TRRAP: variants seen among roughly 807,000 people sequenced by gnomAD.
TRRAP encodes the protein transformation/transcription domain associated protein.
In TRRAP, 41 loss-of-function variants were observed where a neutral mutation model predicts 438.8. The observed-to-expected ratio is 0.09, with a 90% CI of 0.07 to 0.12. The LOEUF is 0.12. Among genes scored for constraint, TRRAP ranks in the 10% least tolerant of loss-of-function variants. TRRAP has a pLI of 1.00. For synonymous variants in TRRAP, 1,994 were observed against 1,962.9 expected, an observed-to-expected ratio of 1.02 and a Z score of -0.42; for missense variants, 3,122 against 5,055.1, an observed-to-expected ratio of 0.62 and a Z score of 11.60.
chr7:98,995,821 T>C (rs1229025621), intron 67 of TRRAP, among the ~76,000 whole-genome samples: 1 of 149,740 alleles, frequency 6.7e-6, no homozygotes, highest in Non-Finnish European at 1.5e-5. Flanking sequence ...GCGTCCCATC[T>C]ACTTACTCTT....
chr7:99,008,016 A>G (rs543326012), intron 69 of TRRAP, among the ~76,000 whole-genome samples: 11 of 150,930 alleles, frequency 7.3e-5, no homozygotes, highest in East Asian at 4.0e-4. Context: ...AGTAGAGACG[A>G]GGTTTCACCA....
At position 98,978,310 on chromosome 7, in the gene TRRAP, G is replaced by C; in HGVS notation, c.8485G>C (p.Asp2829His). Reference sequence around the variant, plus strand: ...TTTCCCTGAATACCAGCTCTGGGAAGACCACTGGATTCGGTAAGCCAAACA... The same window carrying C: ...TTTCCCTGAATACCAGCTCTGGGAACACCACTGGATTCGGTAAGCCAAACA... ...AIFPEYQLWEDHWIRCSKELN... is the reference protein window; with the variant it reads ...AIFPEYQLWEHHWIRCSKELN... Residue 2829 changes from aspartate (D) to histidine (H), a missense_variant, in exon 57 of 73, where the codon GAC becomes CAC. Asp to His is a moderately conservative substitution (Grantham distance 81). Coordinates refer to ENST00000456197, the MANE Select transcript of TRRAP (RefSeq NM_001375524.1). 5 of 1,613,800 alleles carry C rather than the reference G, an allele frequency of 3.1e-6. No homozygotes were observed. Among genetic ancestry groups the C allele is most frequent in the Non-Finnish European group, 4.2e-6 (5 of 1,179,790 alleles).
chr7:98,929,412 G>A (rs917337913), intron 23 of TRRAP, among the ~76,000 whole-genome samples: 5 of 152,130 alleles, frequency 3.3e-5, no homozygotes, highest in Non-Finnish European at 5.9e-5. Flanking sequence ...AGCCACTGTG[G>A]TTCTCATTTT....
Position 98,959,392 on chromosome 7 carries a change from C to G in TRRAP, c.6391C>G (p.Arg2131Gly). ...GGGGTCCCCTGGGGAGGTGCTCTCT[C>G]GCCGGTGTGTGAACCTTCTGAAGAC... ...TAGSPGEVLS[R>G]RCVNLLKTAL... The change falls in exon 45 of 73, where the codon CGC (arginine) becomes GGC (glycine). Residue 2131 changes from arginine (R) to glycine (G), a missense_variant. Arg to Gly is a moderately radical substitution (Grantham distance 125). Transcript: ENST00000456197. 6.2e-7 allele frequency: 1 copy of G among 1,614,140 alleles called. No homozygotes were observed. The highest frequency in any genetic ancestry group is 1.3e-5 in the African/African-American group (1 of 75,022).
Position 98,964,770 on chromosome 7 carries a change from C to T in TRRAP, c.6971C>T (p.Thr2324Ile). 4 of 1,612,298 alleles carry T rather than the reference C, an allele frequency of 2.5e-6. No homozygotes were observed. Among genetic ancestry groups the T allele is most frequent in the Non-Finnish European group, 3.4e-6 (4 of 1,179,134 alleles). The change falls in exon 48 of 73, where the codon ACC (threonine) becomes ATC (isoleucine). Residue 2324 changes from threonine to isoleucine, a missense_variant. Around this residue, in one of 24 missense-constraint regions of TRRAP, gnomAD observed 992 missense variants for 1,281.2 expected, o/e 0.77. Transcript: ENST00000456197. ...PQAASGSTEA[T>I]SGTSELVMLS... ...GCAGCGTCAGGAAGCACCGAAGCCACCTCAGGTGATGTGCTGGCCACCGGG... is the reference window on the plus strand; with the variant it reads ...GCAGCGTCAGGAAGCACCGAAGCCATCTCAGGTGATGTGCTGGCCACCGGG...
chr7:98,942,014 GT>G, intron 30 of TRRAP, among the ~76,000 whole-genome samples: 1 of 152,328 alleles, frequency 6.6e-6, no homozygotes, highest in Non-Finnish European at 1.5e-5. Flanking sequence ...TGAAGGGCAG[GT>G]TTGAACAACG....
chr7:98,998,358 TA>T (rs1235307813), intron 67 of TRRAP, among the ~76,000 whole-genome samples: 3 of 151,946 alleles, frequency 2.0e-5, no homozygotes, highest in African/African-American at 2.4e-5. Flanking sequence ...CAACTTACAT[TA>T]AAAAAAAGTA....
At chr7:98,954,112 G>C (rs1486126398) in intron 40 of TRRAP, among the ~76,000 whole-genome samples, 1 of 152,198 alleles carries the variant, frequency 6.6e-6, no homozygotes, top group Non-Finnish European at 1.5e-5. Flanking sequence ...TTGCTGTGCA[G>C]CTGGTATTGA....
chr7:98,986,324 T>A (rs1179379593), intron 62 of TRRAP, among the ~76,000 whole-genome samples: 1 of 152,252 alleles, frequency 6.6e-6, no homozygotes, highest in South Asian at 2.1e-4. Flanking sequence ...CTGGGTCATA[T>A]TGTACTTCTC....
intron 21 of TRRAP, among the ~76,000 whole-genome samples, chr7:98,924,469 T>A (rs1445504058): frequency 1.3e-5 from 2 of 152,060 alleles, no homozygotes; most frequent in African/African-American, 4.8e-5. Context: ...TGCATTAAGA[T>A]TCTTCTGGGT....
intron 28 of TRRAP, 50 bp from the exon 29 acceptor site, chr7:98,937,105 TG>T: frequency 1.9e-6 from 3 of 1,546,230 alleles, no homozygotes; most frequent in Non-Finnish European, 2.6e-6. Flanking sequence ...GAAAATTATT[TG>T]GGCATCTTTC....
rs782047677 is a variant in TRRAP, at chr7:98,945,914, T to A, written c.4528-16T>A. On this transcript the variant is annotated splice_polypyrimidine_tract_variant and intron_variant, in intron 32 of 72. Coordinates refer to ENST00000456197, the MANE Select transcript of TRRAP (RefSeq NM_001375524.1). ...CTGTTGCCTTTTTTCATGCTGTAAT[T>A]TTTGTTTTGGTTCAGCCTGCCATGG... 1 of 1,529,990 alleles carries A rather than the reference T, an allele frequency of 6.5e-7. No individual in the cohort carries two copies. Among genetic ancestry groups the A allele is most frequent in the East Asian group, 2.4e-5 (1 of 42,316 alleles). 94.8% of individuals were successfully genotyped at this position (1,529,990 alleles called of 1,614,324 possible).
At position 98,949,713 on chromosome 7, in the gene TRRAP, T is replaced by G; in HGVS notation, c.5007T>G (p.Ser1669=). The G allele has an allele frequency of 6.2e-7, 1 of 1,614,054 alleles. No individual in the cohort carries two copies. Among genetic ancestry groups the G allele is most frequent in the Non-Finnish European group, 8.5e-7 (1 of 1,180,034 alleles). Reference sequence around the variant, plus strand: ...ACTCCTGGCTGGCCAGCCAGCACTCTCTGGTGAGCCAGTTGCGACGTGTGT... The same window carrying G: ...ACTCCTGGCTGGCCAGCCAGCACTCGCTGGTGAGCCAGTTGCGACGTGTGT... ...NDDSWLASQH[S]LVSQLRRVWV... The change falls in exon 37 of 73, where the codon TCT becomes TCG. Residue 1669 remains serine, a synonymous_variant. Transcript: ENST00000456197.
chr7:98,922,890 C>T lies in TRRAP; in HGVS notation c.2823+937C>T, dbSNP rs574882376. Among the ~76,000 whole-genome samples the T allele has an allele frequency of 5.5e-3, 836 of 152,182 alleles. 3 individuals carry two copies. Among genetic ancestry groups the T allele is most frequent in the South Asian group, 0.017 (82 of 4,810 alleles). On this transcript the variant is annotated intron_variant, in intron 21 of 72. Coordinates refer to ENST00000456197, the MANE Select transcript of TRRAP (RefSeq NM_001375524.1). ...TGGGTGTGTTTACCTTTGTAGAAGA[C>T]GTGTGCCCATGTAGTGGCTTCTGTG...
In TRRAP at chr7:98,955,136, T is replaced by C; in HGVS notation, c.5769T>C (p.Ala1923=). The change falls in exon 41 of 73, where the codon GCT becomes GCC. Residue 1923 remains alanine (A), a synonymous_variant. Coordinates refer to ENST00000456197, the MANE Select transcript of TRRAP (RefSeq NM_001375524.1). ...TCCTCAAGGCTCACGCAATGGAAGC[T>C]CGAGCGATCGTCAGACAGGCGATGG... ...HSLLKAHAME[A]RAIVRQAMAI... 1 of 1,614,206 alleles carries C rather than the reference T, an allele frequency of 6.2e-7. No individual in the cohort carries two copies.
chr7:98,910,210 CTGTCCCTG>C lies in TRRAP; in HGVS notation c.1506_1513del (p.Val503ProfsTer67). 1 of 1,576,870 alleles carries C rather than the reference CTGTCCCTG, an allele frequency of 6.3e-7. No homozygotes were observed. Among genetic ancestry groups the C allele is most frequent in the Non-Finnish European group, 8.6e-7 (1 of 1,164,892 alleles). ...CCTGGCCCTGCTCCCTCCCCAGCCC[CTGTCCCTG>C]CCCCACCTCCACCCCCGCCCCCACC... On this transcript the variant is annotated frameshift_variant, in exon 15 of 73. Coordinates refer to ENST00000456197, the MANE Select transcript of TRRAP (RefSeq NM_001375524.1). LOFTEE classifies it high-confidence loss of function.
chr7:98,992,101 G>C, intron 64 of TRRAP, 36 bp from the exon 65 acceptor site: 6 of 1,602,848 alleles, frequency 3.7e-6, no homozygotes, highest in East Asian at 2.2e-5. Context: ...GCTCAGCAGA[G>C]AGCAGCACTG....
In TRRAP at chr7:98,993,638, A is replaced by C; in HGVS notation, c.9948A>C (p.Arg3316=). ...CAGCACCCATGTGGCGCTGCAGCCGAATCATGCACATGCAGCGAGAGCTCC... is the reference window on the plus strand; with the variant it reads ...CAGCACCCATGTGGCGCTGCAGCCGCATCATGCACATGCAGCGAGAGCTCC... The part of the protein sequence containing the change: ...RATAPMWRCS[R]IMHMQRELHP... Residue 3316 remains arginine, a synonymous_variant, in exon 66 of 73, where the codon CGA becomes CGC. Coordinates refer to ENST00000456197, the MANE Select transcript of TRRAP (RefSeq NM_001375524.1). 1 of 1,614,242 alleles carries C rather than the reference A, an allele frequency of 6.2e-7. No individual in the cohort carries two copies. Among genetic ancestry groups the C allele is most frequent in the Non-Finnish European group, 8.5e-7 (1 of 1,180,042 alleles).
At chr7:98,964,305 C>T (rs1025220499) in intron 47 of TRRAP, among the ~76,000 whole-genome samples, 7 of 152,014 alleles carry the variant, frequency 4.6e-5, no homozygotes, top group African/African-American at 1.5e-4. Flanking sequence ...TCTTATTTTT[C>T]CCAAACCTAT....
Sources: gnomAD v4.1 joint callset for allele counts (sites outside exome capture counted in the v4.1 genomes callset) on GRCh38, gnomAD v4.1.1 for gene constraint, gnomAD v4.1.1 regional missense constraint, MANE v1.5 for transcripts, NCBI Gene and HGNC (gene_info 2026-07-23, HGNC 2026-07-21) for gene names.